Variants in NIPAL3 observed in about 807,000 individuals in gnomAD.
NIPAL3 encodes NIPA like domain containing 3, also known as NIPA-like protein 3.
NIPAL3 carries 41 observed loss-of-function variants against 47.2 expected under a neutral mutation model. That is an observed-to-expected ratio of 0.87 (90% CI 0.68 to 1.13). The LOEUF is 1.13. Ranked by LOEUF, NIPAL3 falls within the 50% of genes most tolerant of loss-of-function variation. NIPAL3 has a pLI of 0.00. For synonymous variants in NIPAL3, 194 were observed against 209.6 expected (o/e 0.93, Z 0.64); for missense variants, 449 against 530.1 (o/e 0.85, Z 1.50).
chr1:24,422,629 A>G (rs986161252), intron 2 of NIPAL3, among the ~76,000 whole-genome samples: 4 of 152,216 alleles, frequency 2.6e-5, no homozygotes, highest in African/African-American at 9.7e-5. Context: ...TCAGATAATC[A>G]GCCAGGTGTG....
At chr1:24,447,044 G>A (rs1331745594) in intron 5 of NIPAL3, among the ~76,000 whole-genome samples, 1 of 152,186 alleles carries the variant, frequency 6.6e-6, no homozygotes, top group African/African-American at 2.4e-5. Context: ...TAGCCAGAGG[G>A]TAATGAATAA....
rs1284028978 is a variant in NIPAL3, at chr1:24,415,815, A to G, written c.-347A>G. 10 of 984,890 alleles carry G rather than the reference A, an allele frequency of 1.0e-5. No individual in the cohort carries two copies. Among genetic ancestry groups the G allele is most frequent in the Non-Finnish European group, 1.2e-5 (10 of 829,544 alleles). 61.0% of individuals were successfully genotyped at this position (984,890 alleles called of 1,614,324 possible). Reference sequence around the variant, plus strand: ...CTTGGCAGCTCTGAATTGGGAAGGGATGAAGGAGGCTGTGCCTCCGGGTTG... The same window carrying G: ...CTTGGCAGCTCTGAATTGGGAAGGGGTGAAGGAGGCTGTGCCTCCGGGTTG... On this transcript the variant is annotated 5_prime_UTR_variant, in exon 1 of 12. It removes an upstream start codon present in the reference 5' UTR. Coordinates refer to ENST00000374399, the MANE Select transcript of NIPAL3 (RefSeq NM_020448.5).
chr1:24,440,923 T>G (rs1459965671), intron 3 of NIPAL3, among the ~76,000 whole-genome samples: 1 of 152,078 alleles, frequency 6.6e-6, no homozygotes, highest in Non-Finnish European at 1.5e-5. Context: ...TGGGACTGAG[T>G]CCCAGTTGCC....
At chr1:24,458,039 C>T (rs1387144870) in intron 8 of NIPAL3, among the ~76,000 whole-genome samples, 2 of 152,230 alleles carry the variant, frequency 1.3e-5, no homozygotes, top group Non-Finnish European at 1.5e-5. Flanking sequence ...CAGTGCAGCC[C>T]ACTGAGGGTG....
rs1297848355 is a variant in NIPAL3, at chr1:24,451,227, T to G, written c.540+1601T>G. Reference sequence around the variant, plus strand: ...AGGCAGTGCTGCCAGCTGGAGAGATTTGGCCAAACCAAATTCAGTCAATAT... The same window carrying G: ...AGGCAGTGCTGCCAGCTGGAGAGATGTGGCCAAACCAAATTCAGTCAATAT... On this transcript the variant is annotated intron_variant, in intron 6 of 11. Coordinates refer to ENST00000374399, the MANE Select transcript of NIPAL3 (RefSeq NM_020448.5). The surrounding 1 kb of genome is among the most constrained non-coding windows in gnomAD (Gnocchi z 4.5). 6.6e-6 allele frequency among the ~76,000 whole-genome samples: 1 copy of G among 152,212 alleles called. No homozygotes were observed. Among genetic ancestry groups the G allele is most frequent in the Non-Finnish European group, 1.5e-5 (1 of 68,036 alleles).
chr1:24,425,363 T>C (rs1366413807), intron 2 of NIPAL3, among the ~76,000 whole-genome samples: 1 of 152,170 alleles, frequency 6.6e-6, no homozygotes, highest in Non-Finnish European at 1.5e-5. Flanking sequence ...GTTAGCATAT[T>C]TTATGTGTTA....
intron 5 of NIPAL3, among the ~76,000 whole-genome samples, chr1:24,448,067 A>G (rs1416775330): frequency 1.3e-5 from 2 of 152,256 alleles, no homozygotes; most frequent in Admixed American, 6.5e-5. Context: ...ACCGTGGCTC[A>G]TTCATTCATT....
chr1:24,454,649 C>A lies in NIPAL3; in HGVS notation c.637+1145C>A. 1.4e-6 allele frequency: 1 copy of A among 699,372 alleles called. No homozygotes were observed. The highest frequency in any genetic ancestry group is 1.8e-6 in the Non-Finnish European group (1 of 569,002). 43.3% of individuals were successfully genotyped at this position (699,372 alleles called of 1,614,324 possible). ...GTATTTCATAGAGTTGTGAAACCAT[C>A]ATCCTAATCTAATTTTAGAACATTT... On this transcript the variant is annotated intron_variant, in intron 7 of 11. Coordinates refer to ENST00000374399, the MANE Select transcript of NIPAL3 (RefSeq NM_020448.5). The surrounding 1 kb of genome is among the most constrained non-coding windows in gnomAD (Gnocchi z 4.1).
intron 6 of NIPAL3, 108 bp from the exon 7 acceptor site, chr1:24,453,300 A>G: frequency 1.4e-6 from 1 of 710,436 alleles, no homozygotes; most frequent in Non-Finnish European, 2.5e-6. Context: ...TAGCTCAGTC[A>G]TTCCCTTTCA....
At chr1:24,418,274 A>C (rs1644150043) in intron 1 of NIPAL3, among the ~76,000 whole-genome samples, 1 of 152,206 alleles carries the variant, frequency 6.6e-6, no homozygotes, top group Non-Finnish European at 1.5e-5. Context: ...AGAAAACCCT[A>C]ACACTTTTAA....
intron 2 of NIPAL3, among the ~76,000 whole-genome samples, chr1:24,424,308 G>A (rs967126940): frequency 6.6e-6 from 1 of 152,154 alleles, no homozygotes; most frequent in Admixed American, 6.5e-5. Context: ...CAGAGCTCCT[G>A]TTGCCTTATC....
chr1:24,436,610 T>C (rs538581595), intron 2 of NIPAL3, among the ~76,000 whole-genome samples: 161 of 152,126 alleles, frequency 1.1e-3, no homozygotes, highest in Non-Finnish European at 1.7e-3. Context: ...TGCCTCGGCC[T>C]CCTGAGTAGC....
chr1:24,462,267 G>A (rs182699534), intron 10 of NIPAL3, among the ~76,000 whole-genome samples: 42 of 152,312 alleles, frequency 2.8e-4, no homozygotes, highest in Admixed American at 2.0e-3. Flanking sequence ...CATGGGGATT[G>A]TGGGAACTAC....
At chr1:24,446,069 C>CT (rs58526442) in intron 5 of NIPAL3, among the ~76,000 whole-genome samples, 2,481 of 147,804 alleles carry the variant, frequency 0.017, 80 homozygotes, top group African/African-American at 0.058. Context: ...AGATTATAGT[C>CT]GTGTGTGTGT....
At chr1:24,429,989 ATTT>A (rs747135341) in intron 2 of NIPAL3, among the ~76,000 whole-genome samples, 13 of 152,330 alleles carry the variant, frequency 8.5e-5, no homozygotes, top group Middle Eastern at 3.4e-3. Context: ...GCAGTGTAAA[ATTT>A]TACAATGATT....
chr1:24,456,082 CCT>C lies in NIPAL3; in HGVS notation c.638-55_638-54del, dbSNP rs963343662. ...TGGGGTTATAGACTGGCTTTCCGGA[CCT>C]AACTCTCTGCATTTCCCTGAGGCTC... On this transcript the variant is annotated intron_variant, in intron 7 of 11. Transcript: ENST00000374399. 1.9e-6 allele frequency: 3 copies of C among 1,607,382 alleles called. No individual in the cohort carries two copies. In the African/African-American group the frequency reaches 4.0e-5, roughly 21 times the overall value.
At chr1:24,415,138 G>A (rs754040953), upstream of NIPAL3, 4 of 152,216 alleles carry the variant, frequency 2.6e-5, no homozygotes, top group Non-Finnish European at 5.9e-5. Context: ...TGTGAGCGAT[G>A]AGAAGCTTGT....
chr1:24,422,883 T>C (rs1644396065), intron 2 of NIPAL3, among the ~76,000 whole-genome samples: 1 of 152,246 alleles, frequency 6.6e-6, no homozygotes, highest in Non-Finnish European at 1.5e-5. Context: ...GCCTTTTTAT[T>C]GACATATGGT....
rs974366357 is a variant in NIPAL3 at position 24,419,400 on chromosome 1, A to G, written c.-148A>G. 7.4e-7 allele frequency: 1 copy of G among 1,342,610 alleles called. No homozygotes were observed. Among genetic ancestry groups the G allele is most frequent in the Non-Finnish European group, 9.5e-7 (1 of 1,048,166 alleles). 83.2% of individuals were successfully genotyped at this position (1,342,610 alleles called of 1,614,324 possible). A position where few individuals can be genotyped will look rare whatever the true frequency, so the allele number is the denominator to read the frequency against. ...GAGAAGGCTGTAAATCTGCCAAAACAGCCTTGAAGTATTCTTTTGTCATGA... is the reference window on the plus strand; with the variant it reads ...GAGAAGGCTGTAAATCTGCCAAAACGGCCTTGAAGTATTCTTTTGTCATGA... On this transcript the variant is annotated 5_prime_UTR_variant, in exon 2 of 12. Transcript: ENST00000374399.
Sources: gnomAD v4.1 joint callset for allele counts (sites outside exome capture counted in the v4.1 genomes callset) on GRCh38, gnomAD v4.1.1 for gene constraint, Gnocchi (gnomAD v3.1) non-coding constraint, MANE v1.5 for transcripts, NCBI Gene and HGNC (gene_info 2026-07-23, HGNC 2026-07-21) for gene names.